The following CTNND2 variants were observed in gnomAD, a reference collection of about 807,000 sequenced individuals.
CTNND2 encodes the protein catenin delta-2.
Under a neutral mutation model 144.4 loss-of-function variants are expected in CTNND2, and 22 were observed. That is an observed-to-expected ratio of 0.15 (90% CI 0.11 to 0.22). The LOEUF is 0.22. Among genes scored for constraint, CTNND2 ranks in the 10% least tolerant of loss-of-function variants. CTNND2 has a pLI of 1.00. For synonymous variants in CTNND2, 751 were observed against 695.6 expected (o/e 1.08, Z -1.25); for missense variants, 1,353 against 1,618.8 (o/e 0.84, Z 2.82).
At chr5:11,180,588 G>A (rs1489325886) in intron 11 of CTNND2, among the ~76,000 whole-genome samples, 1 of 152,150 alleles carries the variant, frequency 6.6e-6, no homozygotes, top group Non-Finnish European at 1.5e-5. Flanking sequence ...CCTGCAAGCA[G>A]ATGGGCTCCT....
intron 5 of CTNND2, among the ~76,000 whole-genome samples, chr5:11,402,379 A>G (rs1192243510): frequency 2.6e-5 from 4 of 152,260 alleles, no homozygotes; most frequent in African/African-American, 7.2e-5. Context: ...AAAATCAATG[A>G]GAAAAATTGT....
chr5:11,831,907 G>A (rs1252718577), intron 1 of CTNND2, among the ~76,000 whole-genome samples: 1 of 152,088 alleles, frequency 6.6e-6, no homozygotes, highest in Non-Finnish European at 1.5e-5. Flanking sequence ...AGAAGACAAT[G>A]TAAGAGTTAG....
At chr5:10,984,312 T>C (rs1737664850) in intron 20 of CTNND2, among the ~76,000 whole-genome samples, 1 of 152,210 alleles carries the variant, frequency 6.6e-6, no homozygotes, top group African/African-American at 2.4e-5. Flanking sequence ...AATGAATAAA[T>C]GGGTAAACCT....
intron 1 of CTNND2, among the ~76,000 whole-genome samples, chr5:11,813,442 A>AT (rs1792454328): frequency 2.6e-5 from 4 of 151,902 alleles, no homozygotes; most frequent in South Asian, 4.2e-4. Context: ...TTCTCTGTTC[A>AT]TTTTTTTTCA....
intron 9 of CTNND2, among the ~76,000 whole-genome samples, chr5:11,283,673 C>CAAAAAAAAAAAAAAA (rs70947250): frequency 1.6e-4 from 5 of 31,606 alleles, no homozygotes; most frequent in Non-Finnish European, 2.9e-4. Flanking sequence ...GACTCCGTCT[C>CAAAAAAAAAAAAAAA]AAAAAAAAAA....
chr5:11,210,149 T>C (rs969417565), intron 10 of CTNND2, among the ~76,000 whole-genome samples: 1 of 152,106 alleles, frequency 6.6e-6, no homozygotes, highest in Non-Finnish European at 1.5e-5. Flanking sequence ...CTCACATCAG[T>C]ACTTTGGGAG....
intron 12 of CTNND2, among the ~76,000 whole-genome samples, chr5:11,148,893 C>T (rs1757487529): frequency 1.3e-5 from 2 of 152,348 alleles, no homozygotes; most frequent in Non-Finnish European, 2.9e-5. Flanking sequence ...GCAGAGGATG[C>T]TCTGCTTCAT....
At chr5:11,591,636 T>G (rs181943822) in intron 2 of CTNND2, among the ~76,000 whole-genome samples, 45 of 152,238 alleles carry the variant, frequency 3.0e-4, no homozygotes, top group African/African-American at 9.9e-4. Flanking sequence ...TTGATTTCAT[T>G]TTTGCTCATA....
Position 11,035,412 on chromosome 5 carries a change from G to A in CTNND2, c.2789-12433C>T, listed in dbSNP as rs1580104709. 4.6e-5 allele frequency among the ~76,000 whole-genome samples: 7 copies of A among 152,186 alleles called. No individual in the cohort carries two copies. The South Asian group carries it at 1.5e-3, about 32-fold the overall frequency. ...CAATGGGCCTTTCTTGTGTCACATC[G>A]CTCTGACCCTTTCATTTGCCTCCAG... is the stretch of plus-strand genomic sequence containing the variant. On this transcript the variant is annotated intron_variant, in intron 16 of 21. Coordinates refer to ENST00000304623, the MANE Select transcript of CTNND2 (RefSeq NM_001332.4).
At chr5:11,672,971 C>T (rs1212856370) in intron 2 of CTNND2, among the ~76,000 whole-genome samples, 2 of 152,162 alleles carry the variant, frequency 1.3e-5, no homozygotes, top group African/African-American at 2.4e-5. Flanking sequence ...GAACCAGGTA[C>T]CTCAGTTGGA....
chr5:11,497,808 T>C (rs553800590), intron 3 of CTNND2, among the ~76,000 whole-genome samples: 2 of 152,248 alleles, frequency 1.3e-5, no homozygotes, highest in Admixed American at 6.5e-5. Flanking sequence ...TACTATCATT[T>C]AGCAAATCTG....
intron 8 of CTNND2, among the ~76,000 whole-genome samples, chr5:11,352,052 G>A (rs1755383768): frequency 6.6e-6 from 1 of 152,142 alleles, no homozygotes; most frequent in Non-Finnish European, 1.5e-5. Context: ...CTCAGCACAA[G>A]TTGATCCATC....
chr5:11,326,546 T>C (rs753954617), intron 9 of CTNND2, among the ~76,000 whole-genome samples: 12 of 152,180 alleles, frequency 7.9e-5, no homozygotes, highest in Admixed American at 2.0e-4. Context: ...TTCCTATCTC[T>C]AACCCTGTGA....
At chr5:11,482,102 A>G (rs1768327333) in intron 3 of CTNND2, among the ~76,000 whole-genome samples, 2 of 152,250 alleles carry the variant, frequency 1.3e-5, no homozygotes, top group South Asian at 2.1e-4. Flanking sequence ...CCATCATTGA[A>G]GTCGGACTCA....
At chr5:11,846,338 T>C (rs1794734255) in intron 1 of CTNND2, among the ~76,000 whole-genome samples, 2 of 152,152 alleles carry the variant, frequency 1.3e-5, no homozygotes, top group African/African-American at 2.4e-5. Context: ...ACTGTACAGA[T>C]GGCAAAGGTG....
At chr5:11,890,018 TA>T (rs1223467444) in intron 1 of CTNND2, among the ~76,000 whole-genome samples, 1 of 152,176 alleles carries the variant, frequency 6.6e-6, no homozygotes. Flanking sequence ...TTTGAGAAAA[TA>T]AATCTACTTT....
At chr5:11,762,826 T>C (rs1789348295) in intron 1 of CTNND2, among the ~76,000 whole-genome samples, 1 of 152,200 alleles carries the variant, frequency 6.6e-6, no homozygotes, top group Non-Finnish European at 1.5e-5. Flanking sequence ...AACCACACAT[T>C]TGAGTTCACA....
At chr5:11,848,437 T>C (rs1355003030) in intron 1 of CTNND2, among the ~76,000 whole-genome samples, 1 of 152,174 alleles carries the variant, frequency 6.6e-6, no homozygotes, top group Non-Finnish European at 1.5e-5. Context: ...ATATAGTGCG[T>C]TTGATGTTGT....
rs1444761956 is a variant in CTNND2 at position 11,904,088 on chromosome 5, C to T, written c.-235G>A. On this transcript the variant is annotated 5_prime_UTR_variant, in exon 1 of 22. Transcript: ENST00000304623. This position sits in a 1 kb window ranked among gnomAD's most constrained non-coding sequence, Gnocchi z 4.2. ...CGGCGGCCCCTCCGAGCTCGGCGAGCGCAGCGCCCCCTGCCCGGCTCCGCG... is the reference window on the plus strand; with the variant it reads ...CGGCGGCCCCTCCGAGCTCGGCGAGTGCAGCGCCCCCTGCCCGGCTCCGCG... 5.1e-6 allele frequency: 1 copy of T among 195,014 alleles called. No individual in the cohort carries two copies. 12.1% of individuals were successfully genotyped at this position (195,014 alleles called of 1,614,324 possible).
Sources: gnomAD v4.1 joint callset for allele counts (sites outside exome capture counted in the v4.1 genomes callset) on GRCh38, gnomAD v4.1.1 for gene constraint, Gnocchi (gnomAD v3.1) non-coding constraint, MANE v1.5 for transcripts, NCBI Gene and HGNC (gene_info 2026-07-23, HGNC 2026-07-21) for gene names.